LRRTM4: variants seen among roughly 807,000 people sequenced by gnomAD.
The protein encoded by LRRTM4 is leucine-rich repeat transmembrane neuronal protein 4.
Under a neutral mutation model 47.6 loss-of-function variants are expected in LRRTM4, and 25 were observed. The observed-to-expected ratio is 0.53, with a 90% CI of 0.38 to 0.73. The LOEUF (loss-of-function observed/expected upper bound fraction) is 0.73. Among genes scored for constraint, LRRTM4 ranks in the 30% least tolerant of loss-of-function variants. The pLI is 0.00. For missense variants in LRRTM4, 638 were observed against 713.4 expected (o/e 0.89, Z 1.20); for synonymous variants, 311 against 269.5 (o/e 1.15, Z -1.51).
intron 3 of LRRTM4, chr2:77,517,317 GA>G (rs1679247907): frequency 1.0e-6 from 1 of 983,410 alleles, no homozygotes; most frequent in African/African-American, 1.7e-5. Flanking sequence ...GGCTGTTACA[GA>G]AAGGGAGGAT....
intron 3 of LRRTM4, among the ~76,000 whole-genome samples, chr2:76,795,809 G>A (rs1038920969): frequency 1.5e-4 from 23 of 149,830 alleles, no homozygotes; most frequent in African/African-American, 5.1e-4. Context: ...AGTGAAGGGA[G>A]GAGCCAAGAT....
In LRRTM4 at chr2:76,822,433, T is replaced by A. The variant is rs528069223; in HGVS notation, c.1552-73517A>T. ...AGGACAAGAGAGTAAAAAGAAAAAA[T>A]TTGTGTTTCCTAAAGAAAAAACTAG... On this transcript the variant is annotated intron_variant, in intron 3 of 3. Transcript: ENST00000409884. Among the ~76,000 whole-genome samples, 12 of 151,446 alleles carry A rather than the reference T, an allele frequency of 7.9e-5. No homozygotes were observed. The South Asian group carries it at 1.5e-3, about 18-fold the overall frequency.
At chr2:77,292,933 C>T (rs1005485966) in intron 3 of LRRTM4, among the ~76,000 whole-genome samples, 1 of 151,508 alleles carries the variant, frequency 6.6e-6, no homozygotes, top group Admixed American at 6.6e-5. Context: ...TAATTCAGAT[C>T]GCATGACTTT....
At chr2:77,074,965 G>C (rs924539760) in intron 3 of LRRTM4, among the ~76,000 whole-genome samples, 10 of 152,074 alleles carry the variant, frequency 6.6e-5, no homozygotes, top group African/African-American at 2.2e-4. Flanking sequence ...TAGCATTTCT[G>C]TGGAAACGTA....
At chr2:77,112,455 T>A (rs966022770) in intron 3 of LRRTM4, among the ~76,000 whole-genome samples, 1 of 152,214 alleles carries the variant, frequency 6.6e-6, no homozygotes. Context: ...GGCAATATAC[T>A]GAAAATTCTT....
intron 3 of LRRTM4, among the ~76,000 whole-genome samples, chr2:77,030,727 C>T (rs546385794): frequency 6.6e-6 from 1 of 152,212 alleles, no homozygotes; most frequent in South Asian, 2.1e-4. Context: ...AAAAAAGACG[C>T]ATTATTTCCT....
chr2:77,497,872 G>A (rs17594976), intron 3 of LRRTM4, among the ~76,000 whole-genome samples: 49,814 of 151,248 alleles, frequency 0.33, 8,372 homozygotes, highest in Middle Eastern at 0.35. Flanking sequence ...TAGCTACCAT[G>A]TGTTAAGAGC....
intron 3 of LRRTM4, among the ~76,000 whole-genome samples, chr2:77,372,494 C>A (rs897891313): frequency 6.6e-6 from 1 of 151,636 alleles, no homozygotes; most frequent in Admixed American, 6.6e-5. Context: ...AAGAATAATG[C>A]TGATTTTGGA....
chr2:77,342,810 T>C (rs988394625), intron 3 of LRRTM4, among the ~76,000 whole-genome samples: 1 of 150,816 alleles, frequency 6.6e-6, no homozygotes, highest in Non-Finnish European at 1.5e-5. Flanking sequence ...CAAAAGCGGC[T>C]ACTCTGTAAA....
At chr2:77,424,155 T>G (rs1675015709) in intron 3 of LRRTM4, among the ~76,000 whole-genome samples, 1 of 152,188 alleles carries the variant, frequency 6.6e-6, no homozygotes, top group South Asian at 2.1e-4. Flanking sequence ...AATTAAGTTA[T>G]CTGGTTTTGT....
chr2:76,831,339 G>T (rs1268193575), intron 3 of LRRTM4, among the ~76,000 whole-genome samples: 1 of 152,124 alleles, frequency 6.6e-6, no homozygotes, highest in Admixed American at 6.6e-5. Context: ...GTGTGTGCGT[G>T]TGCACACGCT....
chr2:77,166,594 G>T (rs928183730), intron 3 of LRRTM4, among the ~76,000 whole-genome samples: 1 of 152,180 alleles, frequency 6.6e-6, no homozygotes, highest in South Asian at 2.1e-4. Flanking sequence ...CATGGCACTG[G>T]TACCAAAACA....
chr2:76,927,642 C>T (rs1419967303), intron 3 of LRRTM4, among the ~76,000 whole-genome samples: 2 of 152,024 alleles, frequency 1.3e-5, no homozygotes, highest in Admixed American at 1.3e-4. Flanking sequence ...CAATGGAATC[C>T]TAATTAACAA....
intron 3 of LRRTM4, among the ~76,000 whole-genome samples, chr2:76,995,605 A>G (rs1677172756): frequency 6.6e-6 from 1 of 152,054 alleles, no homozygotes; most frequent in Non-Finnish European, 1.5e-5. Context: ...AACACCCACA[A>G]AAGTAGATCC....
At chr2:76,755,833 T>C (rs1240376395) in intron 3 of LRRTM4, among the ~76,000 whole-genome samples, 1 of 152,084 alleles carries the variant, frequency 6.6e-6, no homozygotes, top group East Asian at 1.9e-4. Flanking sequence ...AAAATTAAAC[T>C]AAGCCCTCCA....
At chr2:76,764,912 G>A (rs1022232152) in intron 3 of LRRTM4, among the ~76,000 whole-genome samples, 3 of 152,178 alleles carry the variant, frequency 2.0e-5, no homozygotes, top group African/African-American at 7.2e-5. Context: ...GTTTCAACAA[G>A]CCAGGCTGTT....
chr2:77,248,521 A>G (rs953357509), intron 3 of LRRTM4, among the ~76,000 whole-genome samples: 9 of 152,134 alleles, frequency 5.9e-5, no homozygotes, highest in African/African-American at 2.2e-4. Context: ...CCAGAAGCTT[A>G]TCTTGTAGAT....
rs1675484174 is a variant in LRRTM4 at position 76,798,560 on chromosome 2, CACA to C, written c.1552-49647_1552-49645del. 8.0e-5 allele frequency among the ~76,000 whole-genome samples: 12 copies of C among 150,702 alleles called. No homozygotes were observed. The South Asian group carries it at 2.5e-3, about 32-fold the overall frequency. On this transcript the variant is annotated intron_variant, in intron 3 of 3. Coordinates refer to ENST00000409884, the MANE Select transcript of LRRTM4 (RefSeq NM_001134745.3). ...AAAGAACTAGAAAAGCAAGAGCAAA[CACA>C]TTCAAAAGCTAGCAGAAGGCAAGAA...
chr2:77,030,576 G>C (rs115178205), intron 3 of LRRTM4, among the ~76,000 whole-genome samples: 1 of 152,064 alleles, frequency 6.6e-6, no homozygotes, highest in Non-Finnish European at 1.5e-5. Context: ...AGAATTTATA[G>C]AGGATGAAAA....
Sources: gnomAD v4.1 joint callset for allele counts (sites outside exome capture counted in the v4.1 genomes callset) on GRCh38, gnomAD v4.1.1 for gene constraint, MANE v1.5 for transcripts, NCBI Gene and HGNC (gene_info 2026-07-23, HGNC 2026-07-21) for gene names.